DMXL2: variants seen among roughly 807,000 people sequenced by gnomAD.
DMXL2 encodes the protein Dmx like 2, also known as dmX-like protein 2.
Under a neutral mutation model 331.1 loss-of-function variants are expected in DMXL2, and 103 were observed. The observed-to-expected ratio is 0.31, with a 90% CI of 0.27 to 0.37. DMXL2 has a LOEUF of 0.37. DMXL2 is among the 10% of genes least tolerant of loss of function. The probability of loss-of-function intolerance (pLI) is 1.00; values close to 1 mark genes in which losing one functional copy is unlikely to be tolerated. For missense variants in DMXL2, 3,171 were observed against 3,642.9 expected (o/e 0.87, Z 3.33); for synonymous variants, 1,281 against 1,252.1 (o/e 1.02, Z -0.49).
chr15:51,560,056 G>T (rs562881503), intron 6 of DMXL2, among the ~76,000 whole-genome samples: 28 of 152,086 alleles, frequency 1.8e-4, no homozygotes, highest in Non-Finnish European at 3.4e-4. Flanking sequence ...GAAAAAGAAT[G>T]AACTATTCAG....
chr15:51,572,692 T>G (rs1595571690), intron 2 of DMXL2, among the ~76,000 whole-genome samples: 1 of 152,178 alleles, frequency 6.6e-6, no homozygotes. Flanking sequence ...AACCACATGA[T>G]TATCTCAATA....
intron 13 of DMXL2, among the ~76,000 whole-genome samples, chr15:51,534,269 C>A (rs2048162914): frequency 6.6e-6 from 1 of 152,070 alleles, no homozygotes; most frequent in Non-Finnish European, 1.5e-5. Context: ...GAAGAGTAAC[C>A]AGGGTCAAAT....
In DMXL2 at chr15:51,458,648, C is replaced by T. The variant is rs200280457; in HGVS notation, c.8077-21G>A. On this transcript the variant is annotated intron_variant, in intron 35 of 43. Transcript: ENST00000560891. ...TTTGCCTATAAAGCAAAGGCAGAATCGATGATTTAAGCAATTTCACTAAGG... is the reference window on the plus strand; with the variant it reads ...TTTGCCTATAAAGCAAAGGCAGAATTGATGATTTAAGCAATTTCACTAAGG... The T allele has an allele frequency of 4.0e-4, 647 of 1,613,854 alleles. 1 individual carries two copies. The highest frequency in any genetic ancestry group is 5.2e-4 in the Non-Finnish European group (610 of 1,179,856).
chr15:51,541,904 A>G lies in DMXL2; in HGVS notation c.1105+429T>C, dbSNP rs369750028. On this transcript the variant is annotated intron_variant, in intron 9 of 43. Coordinates refer to ENST00000560891, the MANE Select transcript of DMXL2 (RefSeq NM_001378457.1). ...TGTTTTCCTTAGTATAGGACAAGAA[A>G]GTCTACAAGGGTAGAAAACAAGATA... 1.2e-4 allele frequency among the ~76,000 whole-genome samples: 19 copies of G among 152,318 alleles called. No individual in the cohort carries two copies. The East Asian group carries it at 1.9e-3, about 15-fold the overall frequency.
At chr15:51,618,746 T>G (rs2054446005) in intron 1 of DMXL2, among the ~76,000 whole-genome samples, 1 of 152,252 alleles carries the variant, frequency 6.6e-6, no homozygotes, top group Admixed American at 6.5e-5. Flanking sequence ...GCCATTCCTT[T>G]GCTTCTGTTG....
chr15:51,560,146 TAAA>T (rs908641883), intron 6 of DMXL2, among the ~76,000 whole-genome samples: 2 of 152,030 alleles, frequency 1.3e-5, no homozygotes, highest in African/African-American at 4.8e-5. Flanking sequence ...TAGGAGAAAA[TAAA>T]AAAGAATACT....
At chr15:51,477,091 C>T (rs1271720741) in intron 26 of DMXL2, among the ~76,000 whole-genome samples, 1 of 152,010 alleles carries the variant, frequency 6.6e-6, no homozygotes, top group East Asian at 1.9e-4. Flanking sequence ...GTTTCAGGGA[C>T]TAGTAGGTTG....
chr15:51,481,524 G>C lies in DMXL2; in HGVS notation c.5582C>G (p.Thr1861Ser), dbSNP rs1454564659. ...IRRNLASPEG[T>S]LATLGLKTEK... Reference sequence around the variant, plus strand: ...AGTTTTGAGACCTAAGGTTGCCAAAGTTCCTTCAGGGGAGGCAAGATTTCT... The same window carrying C: ...AGTTTTGAGACCTAAGGTTGCCAAACTTCCTTCAGGGGAGGCAAGATTTCT... The change falls in exon 24 of 44, where the codon ACT becomes AGT. Residue 1861 changes from threonine (T) to serine (S), a missense_variant. Thr to Ser is a moderately conservative substitution (Grantham distance 58). Transcript: ENST00000560891. 6.2e-7 allele frequency: 1 copy of C among 1,613,408 alleles called. No individual in the cohort carries two copies. The highest frequency in any genetic ancestry group is 1.1e-5 in the South Asian group (1 of 90,992).
chr15:51,554,949 G>C (rs1483350564), intron 6 of DMXL2, among the ~76,000 whole-genome samples: 2 of 152,172 alleles, frequency 1.3e-5, no homozygotes, highest in African/African-American at 2.4e-5. Flanking sequence ...CTTGAGGCCA[G>C]GAGTTCGAGA....
intron 40 of DMXL2, chr15:51,454,219 T>A (rs1164441404): frequency 6.6e-6 from 1 of 152,286 alleles, no homozygotes; most frequent in African/African-American, 2.4e-5. Context: ...AGAAAAATTT[T>A]AAAAAGTATT....
chr15:51,463,766 C>T (rs902824872), intron 32 of DMXL2, among the ~76,000 whole-genome samples: 13 of 151,868 alleles, frequency 8.6e-5, no homozygotes, highest in African/African-American at 3.2e-4. Flanking sequence ...TCAAATGAAT[C>T]TCTTATTATT....
At chr15:51,596,242 C>T (rs1234316509) in intron 1 of DMXL2, among the ~76,000 whole-genome samples, 2 of 152,146 alleles carry the variant, frequency 1.3e-5, no homozygotes, top group Admixed American at 1.3e-4. Context: ...CAAACAGCCC[C>T]ATCAAAAAGT....
rs199971472 is a variant in DMXL2, at chr15:51,514,569, C to CA, written c.2527-11dup. The CA allele has an allele frequency of 0.017, 25,607 of 1,472,282 alleles. 299 individuals are homozygous for CA. Among genetic ancestry groups the CA allele is most frequent in the East Asian group, 0.071 (2,951 of 41,766 alleles). The allele number at this position is 1,472,282 out of a possible 1,614,324, so 91.2% of individuals were successfully genotyped here. On this transcript the variant is annotated splice_polypyrimidine_tract_variant and intron_variant, in intron 14 of 43. Transcript: ENST00000560891. ...GTGTATTTGAGCCACACTACAAATA[C>CA]AAAAAAAAATGAAGAGGTTTTATCT...
chr15:51,487,196 T>C (rs1401612116), intron 22 of DMXL2, among the ~76,000 whole-genome samples: 1 of 152,130 alleles, frequency 6.6e-6, no homozygotes, highest in Non-Finnish European at 1.5e-5. Context: ...CTCACATCGT[T>C]TTCTAATATA....
At chr15:51,464,327 G>A (rs1053482704) in intron 32 of DMXL2, among the ~76,000 whole-genome samples, 6 of 152,190 alleles carry the variant, frequency 3.9e-5, no homozygotes, top group African/African-American at 1.4e-4. Flanking sequence ...TTGAGCCCAG[G>A]AGGTTGAGGC....
chr15:51,607,635 T>C, intron 1 of DMXL2, among the ~76,000 whole-genome samples: 1 of 152,116 alleles, frequency 6.6e-6, no homozygotes, highest in East Asian at 1.9e-4. Flanking sequence ...ATTTACAGAT[T>C]TGAAAACTCC....
At chr15:51,568,615 T>G (rs760038851) in intron 2 of DMXL2, 57 bp from the exon 3 acceptor site, 40 of 1,107,122 alleles carry the variant, frequency 3.6e-5, no homozygotes, top group Non-Finnish European at 5.2e-5. Flanking sequence ...AAAGATATCT[T>G]CCTTTTCATA....
At chr15:51,611,152 T>C (rs752817804) in intron 1 of DMXL2, among the ~76,000 whole-genome samples, 3 of 151,660 alleles carry the variant, frequency 2.0e-5, no homozygotes, top group Non-Finnish European at 4.4e-5. Flanking sequence ...AGAAAATAAG[T>C]ATATAACAGA....
intron 18 of DMXL2, among the ~76,000 whole-genome samples, chr15:51,495,961 G>A (rs1393307265): frequency 6.6e-6 from 1 of 151,800 alleles, no homozygotes. Flanking sequence ...TTAGGTTGGT[G>A]CAAAAGTATT....
Sources: gnomAD v4.1 joint callset for allele counts (sites outside exome capture counted in the v4.1 genomes callset) on GRCh38, gnomAD v4.1.1 for gene constraint, MANE v1.5 for transcripts, NCBI Gene and HGNC (gene_info 2026-07-23, HGNC 2026-07-21) for gene names.